LRRC66: variants seen among roughly 807,000 people sequenced by gnomAD.
LRRC66 encodes leucine rich repeat containing 66, also known as leucine-rich repeat-containing protein 66.
In LRRC66, 29 loss-of-function variants were observed where a neutral mutation model predicts 24.6. That is an observed-to-expected ratio of 1.18 (90% confidence interval 0.88 to 1.61). The LOEUF (loss-of-function observed/expected upper bound fraction) is 1.61, where lower values mean the gene tolerates loss of function less well. Among genes scored for constraint, LRRC66 ranks in the 40% most tolerant of loss-of-function variants. LRRC66 has a pLI of 0.00. For synonymous variants in LRRC66, 411 were observed against 397.6 expected (o/e 1.03, Z -0.40); for missense variants, 1,124 against 1,058.0 (o/e 1.06, Z -0.87).
intron 4 of LRRC66, 116 bp downstream of exon 4, chr4:51,997,632 C>T: frequency 3.4e-6 from 3 of 894,610 alleles, no homozygotes; most frequent in African/African-American, 1.7e-5. Context: ...CTGACTAATG[C>T]CAAGGATCAG....
At chr4:52,004,634 T>C (rs1201483774) in intron 2 of LRRC66, among the ~76,000 whole-genome samples, 1 of 152,220 alleles carries the variant, frequency 6.6e-6, no homozygotes, top group Non-Finnish European at 1.5e-5. Flanking sequence ...TGTTCTTGCA[T>C]GTAGCCTGTG....
chr4:52,018,667 G>T (rs1204180710), intron 1 of LRRC66: 1 of 913,996 alleles, frequency 1.1e-6, no homozygotes, highest in Non-Finnish European at 1.3e-6. Flanking sequence ...TCCTTCATTT[G>T]AAATCCTCAA....
In LRRC66 at chr4:51,994,482, G is replaced by GA; in HGVS notation, c.2539dup (p.Ser847PhefsTer15). 1 of 1,614,206 alleles carries GA rather than the reference G, an allele frequency of 6.2e-7. No individual in the cohort carries two copies. Among genetic ancestry groups the GA allele is most frequent in the Non-Finnish European group, 8.5e-7 (1 of 1,180,030 alleles). ...TGTTTGCTGTAAAACGTCCACATTT[G>GA]AAAATTCTAAGTCTCTAAGTGAGCA... On this transcript the variant is annotated frameshift_variant, in exon 5 of 5. Coordinates refer to ENST00000682860, the MANE Select transcript of LRRC66 (RefSeq NM_001024611.3). LOFTEE classifies it low-confidence loss of function (END_TRUNC).
At chr4:52,007,776 G>A (rs1736620151) in intron 2 of LRRC66, among the ~76,000 whole-genome samples, 1 of 152,182 alleles carries the variant, frequency 6.6e-6, no homozygotes, top group South Asian at 2.1e-4. Context: ...GCAAAGATCT[G>A]AAGCATGCTT....
intron 4 of LRRC66, among the ~76,000 whole-genome samples, chr4:51,996,406 C>T (rs1736319451): frequency 6.6e-6 from 1 of 151,966 alleles, no homozygotes; most frequent in South Asian, 2.1e-4. Context: ...GTCACCACGC[C>T]TGGGCTGCTT....
chr4:52,017,685 A>C, intron 1 of LRRC66, 67 bp from the exon 2 acceptor site: 1 of 1,414,404 alleles, frequency 7.1e-7, no homozygotes, highest in Non-Finnish European at 9.2e-7. Flanking sequence ...ATAAGCAGCA[A>C]ATTTAATTTT....
At chr4:52,012,628 T>C (rs1736728327) in intron 2 of LRRC66, among the ~76,000 whole-genome samples, 1 of 152,136 alleles carries the variant, frequency 6.6e-6, no homozygotes, top group South Asian at 2.1e-4. Flanking sequence ...AAAGAGGCTG[T>C]ATGGTGCATT....
rs773568924 is a variant in LRRC66, at chr4:51,995,264, AG to A, written c.1757del (p.Ala586ValfsTer7). The A allele has an allele frequency of 1.3e-5, 21 of 1,614,050 alleles. No individual in the cohort carries two copies. Among genetic ancestry groups the A allele is most frequent in the Non-Finnish European group, 1.7e-5 (20 of 1,180,038 alleles). ...CATGTGTTAGCATTTTACAGAGGGA[AG>A]CTGTTATTTCTCCGGAGAGGGAAGG... ...LDPSLSGEIT[A>X]SLCKMLTHAE... On this transcript the variant is annotated frameshift_variant, in exon 5 of 5. Transcript: ENST00000682860. LOFTEE classifies it low-confidence loss of function (END_TRUNC).
chr4:52,006,732 AAAAAAACAAAAAC>A lies in LRRC66; in HGVS notation c.497-3353_497-3341del, dbSNP rs1465654657. 2.3e-3 allele frequency among the ~76,000 whole-genome samples: 339 copies of A among 148,580 alleles called. 1 individual carries two copies. Among genetic ancestry groups the A allele is most frequent in the Non-Finnish European group, 3.6e-3 (244 of 67,176 alleles). ...TAATAATAATAATAATAATAAAGAA[AAAAAAACAAAAAC>A]AAAAAAACAAAAAAAAAGTGACAGA... On this transcript the variant is annotated intron_variant, in intron 2 of 4. Coordinates refer to ENST00000682860, the MANE Select transcript of LRRC66 (RefSeq NM_001024611.3).
intron 2 of LRRC66, 113 bp from the exon 3 acceptor site, chr4:52,003,505 TA>T: frequency 1.3e-6 from 1 of 799,076 alleles, no homozygotes; most frequent in African/African-American, 1.7e-5. Context: ...GAGGTATTGT[TA>T]AACAACGTAT....
At chr4:52,014,292 AAATT>A (rs1736764095) in intron 2 of LRRC66, among the ~76,000 whole-genome samples, 1 of 152,206 alleles carries the variant, frequency 6.6e-6, no homozygotes. Flanking sequence ...ATTTAGACAA[AAATT>A]AATTATTTGT....
chr4:52,015,574 CT>C (rs1275536526), intron 2 of LRRC66, among the ~76,000 whole-genome samples: 3 of 152,192 alleles, frequency 2.0e-5, no homozygotes, highest in Non-Finnish European at 4.4e-5. Context: ...ACAACTCCCC[CT>C]AATGGGGGCT....
intron 2 of LRRC66, among the ~76,000 whole-genome samples, chr4:52,015,348 G>T (rs965629264): frequency 6.6e-6 from 1 of 152,070 alleles, no homozygotes; most frequent in Non-Finnish European, 1.5e-5. Flanking sequence ...AAAGGGAGAA[G>T]AAATTTTCTC....
chr4:52,017,245 G>C lies in LRRC66; in HGVS notation c.369C>G (p.Ser123=), dbSNP rs368504260. The change falls in exon 2 of 5, where the codon TCC becomes TCG. Residue 123 remains serine (S), a synonymous_variant. Coordinates refer to ENST00000682860, the MANE Select transcript of LRRC66 (RefSeq NM_001024611.3). ...TAGGACTGAGTAGATCCAATGAGAG[G>C]GAGTGGATGGCATTGTTGCTGAGGT... ...VLNLSNNAIH[S]LSLDLLSPKS... 2 of 1,613,974 alleles carry C rather than the reference G, an allele frequency of 1.2e-6. No homozygotes were observed. Among genetic ancestry groups the C allele is most frequent in the Non-Finnish European group, 1.7e-6 (2 of 1,180,014 alleles).
chr4:52,011,420 A>G (rs1389027864), intron 2 of LRRC66, among the ~76,000 whole-genome samples: 1 of 152,218 alleles, frequency 6.6e-6, no homozygotes, highest in African/African-American at 2.4e-5. Flanking sequence ...GTCAGAGGAC[A>G]GATCAAAAAG....
rs1374487355 is a variant in LRRC66, at chr4:51,995,544, T to C, written c.1478A>G (p.Asp493Gly). Residue 493 changes from aspartate to glycine, a missense_variant, in exon 5 of 5, where the codon GAC becomes GGC. Coordinates refer to ENST00000682860, the MANE Select transcript of LRRC66 (RefSeq NM_001024611.3). ...GSSQSPGQCG[D>G]NTGAGSGNDG... ...ATTTCCACTTCCTGCCCCGGTGTTG[T>C]CCCCGCACTGTCCTGGGCTCTGCGA... 1.2e-6 allele frequency: 2 copies of C among 1,614,158 alleles called. No individual in the cohort carries two copies. Among genetic ancestry groups the C allele is most frequent in the Non-Finnish European group, 1.7e-6 (2 of 1,180,032 alleles).
intron 3 of LRRC66, among the ~76,000 whole-genome samples, chr4:52,001,885 A>G (rs1326275206): frequency 2.0e-5 from 3 of 152,228 alleles, no homozygotes; most frequent in Non-Finnish European, 4.4e-5. Flanking sequence ...CTTTGTTGAC[A>G]TTGCTTAATA....
intron 1 of LRRC66, among the ~76,000 whole-genome samples, chr4:52,019,359 C>CAA (rs143733583): frequency 1.4e-5 from 2 of 146,968 alleles, no homozygotes; most frequent in African/African-American, 5.0e-5. Context: ...TCTGAACTCC[C>CAA]AAAAAAAAAA....
chr4:52,018,143 G>A (rs1736862780), intron 1 of LRRC66: 4 of 985,250 alleles, frequency 4.1e-6, no homozygotes, highest in African/African-American at 3.5e-5. Context: ...ATGACTAGAA[G>A]AAATACAAGT....
Sources: gnomAD v4.1 joint callset for allele counts (sites outside exome capture counted in the v4.1 genomes callset) on GRCh38, gnomAD v4.1.1 for gene constraint, MANE v1.5 for transcripts, NCBI Gene and HGNC (gene_info 2026-07-23, HGNC 2026-07-21) for gene names.